Variants in ANO6 observed in about 807,000 individuals in gnomAD.
ANO6 encodes the protein anoctamin-6.
In ANO6, 106 loss-of-function variants were observed where a neutral mutation model predicts 117.5. That is an observed-to-expected ratio of 0.90 (90% CI 0.77 to 1.06). The LOEUF (loss-of-function observed/expected upper bound fraction) is 1.06, where lower values mean the gene tolerates loss of function less well. Ranked by LOEUF, ANO6 falls within the 50% of genes least tolerant of loss-of-function variation. ANO6 has a pLI of 0.00. For synonymous variants in ANO6, 367 were observed against 385.1 expected (o/e 0.95, Z 0.55); for missense variants, 955 against 1,121.1 (o/e 0.85, Z 2.12).
chr12:45,358,852 T>G (rs1941479782), intron 8 of ANO6, among the ~76,000 whole-genome samples: 1 of 151,688 alleles, frequency 6.6e-6, no homozygotes, highest in Admixed American at 6.6e-5. Flanking sequence ...TGGCGCCATC[T>G]CAGTTCACTG....
chr12:45,415,903 G>A (rs574581576), intron 16 of ANO6, among the ~76,000 whole-genome samples: 40 of 152,144 alleles, frequency 2.6e-4, no homozygotes, highest in Admixed American at 3.9e-4. Context: ...TGCCAGTTAG[G>A]AGGGCAGGGT....
At chr12:45,345,710 A>C (rs188959811) in intron 3 of ANO6, among the ~76,000 whole-genome samples, 1 of 152,288 alleles carries the variant, frequency 6.6e-6, no homozygotes, top group East Asian at 1.9e-4. Context: ...TGAGGCATGG[A>C]GAGTTTAATT....
chr12:45,225,175 C>A (rs1237028983), intron 1 of ANO6, among the ~76,000 whole-genome samples: 1 of 143,916 alleles, frequency 6.9e-6, no homozygotes, highest in Admixed American at 6.8e-5. Context: ...GCAACAGAGA[C>A]CCTGTCTCAA....
At chr12:45,231,627 C>G (rs1446752424) in intron 1 of ANO6, among the ~76,000 whole-genome samples, 1 of 152,164 alleles carries the variant, frequency 6.6e-6, no homozygotes, top group Non-Finnish European at 1.5e-5. Flanking sequence ...AATTGCAGTT[C>G]TCGTTGTCCA....
chr12:45,263,317 A>C (rs1938106314), intron 1 of ANO6, among the ~76,000 whole-genome samples: 2 of 140,818 alleles, frequency 1.4e-5, no homozygotes, highest in African/African-American at 5.4e-5. Flanking sequence ...TGATTCTCTC[A>C]CCTCAGCCTC....
At position 45,351,939 on chromosome 12, in the gene ANO6, A is replaced by G. The variant is rs748089230; in HGVS notation, c.863+1165A>G. The stretch of plus-strand genomic sequence containing the variant: ...ACAGGGAGCAGGGAGACCACTAGGT[A>G]GGAGGCTGTTTGAGCCAGGCAGAAG... On this transcript the variant is annotated intron_variant, in intron 7 of 19. Transcript: ENST00000320560. 4.6e-5 allele frequency among the ~76,000 whole-genome samples: 7 copies of G among 152,150 alleles called. 1 individual carries two copies. The highest frequency in any genetic ancestry group is 4.1e-4 in the South Asian group (2 of 4,830).
intron 8 of ANO6, among the ~76,000 whole-genome samples, chr12:45,360,829 T>A (rs983613539): frequency 6.6e-6 from 1 of 152,204 alleles, no homozygotes; most frequent in Admixed American, 6.5e-5. Flanking sequence ...ACCAGCACCG[T>A]TTTTGAAAAG....
intron 1 of ANO6, among the ~76,000 whole-genome samples, chr12:45,235,889 G>A (rs1947637522): frequency 6.6e-6 from 1 of 152,050 alleles, no homozygotes; most frequent in South Asian, 2.1e-4. Context: ...CCAGCTGTGA[G>A]CTGGGTGTGT....
At chr12:45,415,663 G>A (rs992216752) in intron 16 of ANO6, among the ~76,000 whole-genome samples, 1 of 152,212 alleles carries the variant, frequency 6.6e-6, no homozygotes, top group African/African-American at 2.4e-5. Flanking sequence ...CCTGGCCTGT[G>A]GGACTTACTG....
At chr12:45,369,681 AT>A (rs1481611546) in intron 9 of ANO6, among the ~76,000 whole-genome samples, 1 of 151,992 alleles carries the variant, frequency 6.6e-6, no homozygotes, top group African/African-American at 2.4e-5. Context: ...TTTGTGAATT[AT>A]TTTTTCCTTC....
At chr12:45,277,665 T>C (rs941212553) in intron 1 of ANO6, among the ~76,000 whole-genome samples, 2 of 152,208 alleles carry the variant, frequency 1.3e-5, no homozygotes, top group Non-Finnish European at 2.9e-5. Context: ...ATGCTTGTAT[T>C]TTTCTCTGGC....
chr12:45,238,363 C>T (rs1386516097), intron 1 of ANO6, among the ~76,000 whole-genome samples: 3 of 151,970 alleles, frequency 2.0e-5, no homozygotes, highest in African/African-American at 7.3e-5. Flanking sequence ...ATTGGCCAGG[C>T]TGGTCTCGAA....
chr12:45,374,852 A>G (rs1941958053), intron 9 of ANO6, among the ~76,000 whole-genome samples: 1 of 152,220 alleles, frequency 6.6e-6, no homozygotes, highest in Non-Finnish European at 1.5e-5. Context: ...AGTTCTGGCC[A>G]GGGCAATTTG....
intron 2 of ANO6, among the ~76,000 whole-genome samples, chr12:45,321,631 G>A (rs1940275107): frequency 6.6e-6 from 1 of 152,120 alleles, no homozygotes; most frequent in African/African-American, 2.4e-5. Context: ...TGTTTTCCTT[G>A]AAATGACAGT....
At chr12:45,436,019 G>A (rs549072063), downstream of ANO6, among the ~76,000 whole-genome samples, 20 of 152,250 alleles carry the variant, frequency 1.3e-4, no homozygotes, top group South Asian at 3.9e-3. Context: ...CCTACTATAA[G>A]TCAGACTTGT....
At chr12:45,251,099 CAA>C (rs947350291) in intron 1 of ANO6, among the ~76,000 whole-genome samples, 87 of 152,032 alleles carry the variant, frequency 5.7e-4, no homozygotes, top group African/African-American at 2.0e-3. Context: ...CAAAAAAACC[CAA>C]AATAGTGAAA....
intron 3 of ANO6, among the ~76,000 whole-genome samples, chr12:45,341,163 G>A (rs1351196957): frequency 6.6e-6 from 1 of 152,146 alleles, no homozygotes; most frequent in East Asian, 1.9e-4. Flanking sequence ...ATTATCCTGA[G>A]AGAAATCAGG....
At chr12:45,342,365 G>A (rs1184568397) in intron 3 of ANO6, among the ~76,000 whole-genome samples, 1 of 152,190 alleles carries the variant, frequency 6.6e-6, no homozygotes. Flanking sequence ...ATGTTTGACA[G>A]AACTGCCCTC....
At chr12:45,373,469 C>G (rs1041496477) in intron 9 of ANO6, among the ~76,000 whole-genome samples, 1 of 152,176 alleles carries the variant, frequency 6.6e-6, no homozygotes, top group African/African-American at 2.4e-5. Flanking sequence ...AAATAAAGCT[C>G]TCCTCAGCGA....
Sources: gnomAD v4.1 joint callset for allele counts (sites outside exome capture counted in the v4.1 genomes callset) on GRCh38, gnomAD v4.1.1 for gene constraint, MANE v1.5 for transcripts, NCBI Gene and HGNC (gene_info 2026-07-23, HGNC 2026-07-21) for gene names.